STON2: variants seen among roughly 807,000 people sequenced by gnomAD.
The protein encoded by STON2 is stonin 2.
Under a neutral mutation model 65.7 loss-of-function variants are expected in STON2, and 29 were observed. That is an observed-to-expected ratio of 0.44 (90% CI 0.33 to 0.60). STON2 has a LOEUF of 0.60. Ranked by LOEUF, STON2 falls within the 20% of genes least tolerant of loss-of-function variation. The pLI is 0.03. For synonymous variants in STON2, 404 were observed against 414.2 expected (o/e 0.98, Z 0.30); for missense variants, 1,054 against 1,118.1 (o/e 0.94, Z 0.82).
Position 81,398,314 on chromosome 14 carries a change from G to A in STON2, c.69C>T (p.Pro23=), listed in dbSNP as rs1216078473. The A allele has an allele frequency of 6.2e-7, 1 of 1,613,768 alleles. No homozygotes were observed. Among genetic ancestry groups the A allele is most frequent in the East Asian group, 2.2e-5 (1 of 44,848 alleles). The part of the protein sequence containing the change: ...SEWVSFNEEP[P]FPAHSQGGTE... Reference sequence around the variant, plus strand: ...CCTTACCCTGCGAGTGGGCAGGAAAGGGTGGCTCTTCATTGAAGGAGACCC... The same window carrying A: ...CCTTACCCTGCGAGTGGGCAGGAAAAGGTGGCTCTTCATTGAAGGAGACCC... Residue 23 remains proline, a synonymous_variant, in exon 2 of 8, where the codon CCC becomes CCT. Coordinates refer to ENST00000614646, the MANE Select transcript of STON2 (RefSeq NM_001394390.1).
chr14:81,354,339 A>T lies in STON2; in HGVS notation c.571+16649T>A, dbSNP rs1898138813. ...GTTCTGTCTTTCCAGGGTCCTTACC[A>T]GCTGTCCTATCGGAATCACTAAACA... is the stretch of plus-strand genomic sequence containing the variant. On this transcript the variant is annotated intron_variant, in intron 4 of 7. Coordinates refer to ENST00000614646, the MANE Select transcript of STON2 (RefSeq NM_001394390.1). Among the ~76,000 whole-genome samples the T allele has an allele frequency of 2.0e-5, 3 of 152,332 alleles. No homozygotes were observed. In the South Asian group the frequency reaches 6.2e-4, roughly 32 times the overall value.
intron 3 of STON2, among the ~76,000 whole-genome samples, chr14:81,380,068 G>GT (rs1282294972): frequency 6.6e-6 from 1 of 152,048 alleles, no homozygotes; most frequent in Non-Finnish European, 1.5e-5. Flanking sequence ...AATCTACAAA[G>GT]TGGGAAAAAT....
chr14:81,302,010 A>C (rs954952746), intron 5 of STON2, among the ~76,000 whole-genome samples: 2 of 152,172 alleles, frequency 1.3e-5, no homozygotes, highest in African/African-American at 4.8e-5. Flanking sequence ...GCCCCAATGC[A>C]TAACATGACA....
rs2140116709 is a variant in STON2, at chr14:81,276,886, G to A, written c.2581+15C>T. On this transcript the variant is annotated intron_variant, in intron 6 of 7. Coordinates refer to ENST00000614646, the MANE Select transcript of STON2 (RefSeq NM_001394390.1). ...ACTGTATGTTTGTTTTCACAGAAGA[G>A]GAACCACCACCCACCTGAGTTTTTG... 6.2e-7 allele frequency: 1 copy of A among 1,600,224 alleles called. No homozygotes were observed. Among genetic ancestry groups the A allele is most frequent in the African/African-American group, 1.3e-5 (1 of 74,606 alleles).
At chr14:81,429,108 A>C (rs1032641007) in intron 1 of STON2, among the ~76,000 whole-genome samples, 19 of 152,240 alleles carry the variant, frequency 1.2e-4, no homozygotes, top group African/African-American at 3.9e-4. Flanking sequence ...TAAAATTAAC[A>C]AGGACCCTTT....
rs1369864629 is a variant in STON2 at position 81,295,046 on chromosome 14, C to T, written c.743-16307G>A. ...TTTTAGAAATAGAAGATCATAGGGCCGGGCACGGTGGCTCATGCCTGTAAT... is the reference window on the plus strand; with the variant it reads ...TTTTAGAAATAGAAGATCATAGGGCTGGGCACGGTGGCTCATGCCTGTAAT... On this transcript the variant is annotated intron_variant, in intron 5 of 7. Transcript: ENST00000614646. Among the ~76,000 whole-genome samples the T allele has an allele frequency of 4.6e-5, 7 of 152,128 alleles. No homozygotes were observed. In the East Asian group the frequency reaches 9.6e-4, roughly 21 times the overall value.
At chr14:81,365,210 G>A (rs1355326935) in intron 4 of STON2, among the ~76,000 whole-genome samples, 1 of 152,132 alleles carries the variant, frequency 6.6e-6, no homozygotes, top group Non-Finnish European at 1.5e-5. Flanking sequence ...CTGTATGTAA[G>A]CCACCAGGAA....
rs183502952 is a variant in STON2 at position 81,395,494 on chromosome 14, G to A, written c.373+400C>T. The A allele has an allele frequency of 3.8e-4, 60 of 158,578 alleles. 1 individual carries two copies. In the East Asian group the frequency reaches 9.9e-3, roughly 26 times the overall value. 9.8% of individuals were successfully genotyped at this position (158,578 alleles called of 1,614,324 possible). A position where few individuals can be genotyped will look rare whatever the true frequency, so the allele number is the denominator to read the frequency against. On this transcript the variant is annotated intron_variant, in intron 3 of 7. Coordinates refer to ENST00000614646, the MANE Select transcript of STON2 (RefSeq NM_001394390.1). ...TGACCTCAAGTGAGCCACCCTTCTCGGCCTCTCAAAGTGATGAAATTATAG... is the reference window on the plus strand; with the variant it reads ...TGACCTCAAGTGAGCCACCCTTCTCAGCCTCTCAAAGTGATGAAATTATAG...
At chr14:81,364,184 T>C (rs1344595696) in intron 4 of STON2, among the ~76,000 whole-genome samples, 1 of 152,186 alleles carries the variant, frequency 6.6e-6, no homozygotes, top group Non-Finnish European at 1.5e-5. Context: ...TCTCTAGGGA[T>C]ATCCTACTGC....
intron 2 of STON2, chr14:81,413,346 C>G (rs1376758397): frequency 1.1e-6 from 1 of 871,610 alleles, no homozygotes; most frequent in Admixed American, 2.8e-5. Context: ...GGGAACACCT[C>G]GATGTTCGAA....
upstream of STON2, among the ~76,000 whole-genome samples, chr14:81,401,219 G>A (rs975277899): frequency 2.6e-5 from 4 of 152,216 alleles, no homozygotes; most frequent in Non-Finnish European, 4.4e-5. Context: ...CCAGAAGGCA[G>A]ATTCTAAATC....
At chr14:81,325,920 G>A (rs756518483) in intron 4 of STON2, among the ~76,000 whole-genome samples, 14 of 151,486 alleles carry the variant, frequency 9.2e-5, no homozygotes, top group Non-Finnish European at 1.3e-4. Context: ...GATACTACAC[G>A]TTTTACTCTA....
At chr14:81,379,908 G>A (rs1595419706) in intron 3 of STON2, among the ~76,000 whole-genome samples, 1 of 152,072 alleles carries the variant, frequency 6.6e-6, no homozygotes, top group East Asian at 1.9e-4. Flanking sequence ...GAAAATGTAG[G>A]GAATACCATT....
intron 2 of STON2, among the ~76,000 whole-genome samples, chr14:81,418,810 T>G (rs781590612): frequency 2.0e-5 from 3 of 152,226 alleles, no homozygotes; most frequent in Non-Finnish European, 4.4e-5. Context: ...ACCTTAAAAA[T>G]ATTTGGAAGA....
At chr14:81,347,734 T>C (rs9635270) in intron 4 of STON2, among the ~76,000 whole-genome samples, 10,491 of 77,950 alleles carry the variant, frequency 0.13, 1,267 homozygotes, top group African/African-American at 0.34. Context: ...TGAGACCCCC[T>C]CCCCCTTCTC....
In STON2 at chr14:81,262,063, G is replaced by A. The variant is rs1894171983; in HGVS notation, c.*6351C>T. ...TAAACATAGGAAGAGTCACTGAAAG[G>A]TGGCACCAATGGATATTTTGTAAAA... On this transcript the variant is annotated 3_prime_UTR_variant, in exon 8 of 8. Transcript: ENST00000614646. 1 of 1,302,020 alleles carries A rather than the reference G, an allele frequency of 7.7e-7. No individual in the cohort carries two copies. Among genetic ancestry groups the A allele is most frequent in the East Asian group, 2.9e-5 (1 of 34,896 alleles). 80.7% of individuals were successfully genotyped at this position (1,302,020 alleles called of 1,614,324 possible).
intron 4 of STON2, among the ~76,000 whole-genome samples, chr14:81,362,244 AGT>A (rs1452766200): frequency 2.6e-5 from 4 of 152,212 alleles, no homozygotes; most frequent in African/African-American, 7.2e-5. Context: ...AGTGTCCATC[AGT>A]GGATGAATGG....
intron 3 of STON2, among the ~76,000 whole-genome samples, chr14:81,394,569 G>A (rs1221354813): frequency 6.6e-6 from 1 of 152,114 alleles, no homozygotes; most frequent in Non-Finnish European, 1.5e-5. Flanking sequence ...CATTATCCCG[G>A]TGAGCCCAGT....
At chr14:81,377,500 G>GT (rs1259229363) in intron 3 of STON2, among the ~76,000 whole-genome samples, 3 of 152,138 alleles carry the variant, frequency 2.0e-5, no homozygotes, top group East Asian at 3.8e-4. Flanking sequence ...TTGTATGAAC[G>GT]TAAGTTTCCA....
Sources: allele counts gnomAD v4.1 joint callset (sites outside exome capture counted in the v4.1 genomes callset), GRCh38; gene constraint gnomAD v4.1.1; transcripts MANE v1.5; gene names NCBI Gene and HGNC (gene_info 2026-07-23, HGNC 2026-07-21).